The following ZNF274 variants were observed in gnomAD, a reference collection of about 807,000 sequenced individuals.
The protein encoded by ZNF274 is zinc finger protein 274.
In ZNF274, 23 loss-of-function variants were observed where a neutral mutation model predicts 42.5. The ratio of observed to expected loss-of-function variants is 0.54; its 90% CI spans 0.39 to 0.77. ZNF274 has a LOEUF of 0.77. Ranked by LOEUF, ZNF274 falls within the 30% of genes least tolerant of loss-of-function variation. The pLI is 0.00. For synonymous variants in ZNF274, 292 were observed against 305.4 expected, an observed-to-expected ratio of 0.96 and a Z score of 0.46; for missense variants, 679 against 806.5, an observed-to-expected ratio of 0.84 and a Z score of 1.91.
chr19:58,209,122 G>A (rs1209692865), intron 5 of ZNF274: 1 of 152,266 alleles, frequency 6.6e-6, no homozygotes, highest in Non-Finnish European at 1.5e-5. Context: ...CTCCAGACTT[G>A]TCCTGTCCCT....
intron 4 of ZNF274, among the ~76,000 whole-genome samples, chr19:58,202,856 C>G (rs1213161985): frequency 1.3e-5 from 2 of 152,198 alleles, no homozygotes; most frequent in African/African-American, 4.8e-5. Context: ...TGTGGTCTCT[C>G]TGTTCACTGT....
At chr19:58,197,586 A>G (rs1022278147) in intron 4 of ZNF274, among the ~76,000 whole-genome samples, 4 of 152,218 alleles carry the variant, frequency 2.6e-5, no homozygotes, top group African/African-American at 9.6e-5. Flanking sequence ...CTGAATTACT[A>G]GGAACTCAGT....
rs2076006474 is a variant in ZNF274, at chr19:58,208,810, T to C, written c.740-1151T>C. ...ATTCACTATAACAGCAATAGGAAAC[T>C]AGTTAGTTAGGTGCCAAGGAGACAG... is the stretch of plus-strand genomic sequence containing the variant. On this transcript the variant is annotated intron_variant, in intron 5 of 7. Transcript: ENST00000617501. This position sits in a 1 kb window ranked among gnomAD's most constrained non-coding sequence, Gnocchi z 4.5. 3 of 150,798 alleles carry C rather than the reference T, an allele frequency of 2.0e-5. No individual in the cohort carries two copies. Among genetic ancestry groups the C allele is most frequent in the Non-Finnish European group, 4.5e-5 (3 of 67,290 alleles). 9.3% of individuals were successfully genotyped at this position (150,798 alleles called of 1,614,324 possible). A position where few individuals can be genotyped will look rare whatever the true frequency, so the allele number is the denominator to read the frequency against.
chr19:58,201,565 G>A (rs1175221213), intron 4 of ZNF274, among the ~76,000 whole-genome samples: 1 of 150,930 alleles, frequency 6.6e-6, no homozygotes, highest in African/African-American at 2.4e-5. Context: ...CGCCCAGGCT[G>A]GAGTGCAGTG....
chr19:58,203,184 A>G (rs1209184546), intron 4 of ZNF274, among the ~76,000 whole-genome samples: 1 of 152,130 alleles, frequency 6.6e-6, no homozygotes, highest in African/African-American at 2.4e-5. Context: ...CAGGAAGTAC[A>G]GATTCAGTTG....
chr19:58,188,684 A>ATG (rs2075736564), intron 4 of ZNF274, among the ~76,000 whole-genome samples: 1 of 69,528 alleles, frequency 1.4e-5, no homozygotes, highest in Non-Finnish European at 2.5e-5. Context: ...GTGTATATAT[A>ATG]TATGTATATG....
At chr19:58,188,086 A>G (rs79894507) in intron 4 of ZNF274, among the ~76,000 whole-genome samples, 4 of 152,188 alleles carry the variant, frequency 2.6e-5, no homozygotes, top group Non-Finnish European at 4.4e-5. Context: ...TTTGGTGGAC[A>G]TTAAATTTAC....
intron 3 of ZNF274, 125 bp from the exon 4 acceptor site, chr19:58,186,822 C>G: frequency 2.6e-6 from 2 of 758,004 alleles, no homozygotes. Context: ...GTTGTGTTCA[C>G]TGCTCTAGGC....
At position 58,211,636 on chromosome 19, in the gene ZNF274, C is replaced by T; in HGVS notation, c.929C>T (p.Thr310Ile). The change falls in exon 7 of 8, where the codon ACC (threonine) becomes ATC (isoleucine). Residue 310 changes from threonine to isoleucine, a missense_variant. Coordinates refer to ENST00000617501, the MANE Select transcript of ZNF274 (RefSeq NM_133502.3). This position sits in a 1 kb window ranked among gnomAD's most constrained non-coding sequence, Gnocchi z 4.8. ...GGGCTGCTGGGCCCGACACAGAGGA[C>T]CGAGTACCGCGATGTGATGCTGGAG... ...EWGLLGPTQRTEYRDVMLETF... is the reference protein window; with the variant it reads ...EWGLLGPTQRIEYRDVMLETF... The T allele has an allele frequency of 6.2e-7, 1 of 1,613,778 alleles. No individual in the cohort carries two copies. The highest frequency in any genetic ancestry group is 8.5e-7 in the Non-Finnish European group (1 of 1,179,792).
chr19:58,190,968 G>A (rs774109309), intron 4 of ZNF274, among the ~76,000 whole-genome samples: 14 of 152,238 alleles, frequency 9.2e-5, no homozygotes, highest in East Asian at 3.9e-4. Flanking sequence ...TGATTTCTTC[G>A]TATTTCAGCT....
rs1327849467 is a variant in ZNF274, at chr19:58,213,556, C to T, written c.*413C>T. The T allele has an allele frequency of 5.9e-6, 1 of 170,826 alleles. No individual in the cohort carries two copies. Among genetic ancestry groups the T allele is most frequent in the Non-Finnish European group, 1.3e-5 (1 of 77,942 alleles). The allele number at this position is 170,826 out of a possible 1,614,324, so 10.6% of individuals were successfully genotyped here. A position where few individuals can be genotyped will look rare whatever the true frequency, so the allele number is the denominator to read the frequency against. On this transcript the variant is annotated 3_prime_UTR_variant, in exon 8 of 8. Transcript: ENST00000617501. Reference sequence around the variant, plus strand: ...GGATAAATAAACTATTGATCTATGTCTGTGTAGAACCTGTGTATTTCCTGC... The same window carrying T: ...GGATAAATAAACTATTGATCTATGTTTGTGTAGAACCTGTGTATTTCCTGC...
intron 4 of ZNF274, among the ~76,000 whole-genome samples, chr19:58,193,905 AAC>A (rs1175552655): frequency 6.6e-6 from 1 of 151,898 alleles, no homozygotes; most frequent in Non-Finnish European, 1.5e-5. Flanking sequence ...CAGCCTGGGC[AAC>A]ACAGCAAGAA....
At position 58,212,476 on chromosome 19, in the gene ZNF274, G is replaced by A. The variant is rs1358247572; in HGVS notation, c.1295G>A (p.Gly432Asp). Residue 432 changes from glycine to aspartate, a missense_variant, in exon 8 of 8, where the codon GGC (glycine) becomes GAC (aspartate). Physicochemically the swap from Gly to Asp is moderately conservative, Grantham distance 94. Coordinates refer to ENST00000617501, the MANE Select transcript of ZNF274 (RefSeq NM_133502.3). The surrounding 1 kb of genome is among the most constrained non-coding windows in gnomAD (Gnocchi z 4.6). ...IDNPESQANS[G>D]ALDTNQVLLH... ...AACCCTGAGTCCCAGGCAAACAGTG[G>A]CGCTCTTGACACAAACCAAGTTTTG... is the stretch of plus-strand genomic sequence containing the variant. 6.2e-7 allele frequency: 1 copy of A among 1,613,692 alleles called. No individual in the cohort carries two copies. Among genetic ancestry groups the A allele is most frequent in the East Asian group, 2.2e-5 (1 of 44,886 alleles).
At chr19:58,209,851 A>G in intron 5 of ZNF274, 110 bp from the exon 6 acceptor site, 1 of 652,114 alleles carries the variant, frequency 1.5e-6, no homozygotes, top group Admixed American at 2.6e-5. Flanking sequence ...TCATGGAGCC[A>G]CAGTACGATG....
In ZNF274 at chr19:58,207,128, A is replaced by C. The variant is rs377374771; in HGVS notation, c.665A>C (p.Glu222Ala). Residue 222 changes from glutamate (E) to alanine (A), a missense_variant, in exon 5 of 8, where the codon GAA becomes GCA. Glu to Ala is a moderately radical substitution (Grantham distance 107). Around this residue, in one of 2 missense-constraint regions of ZNF274, gnomAD observed 456 missense variants for 590.1 expected, o/e 0.77. Coordinates refer to ENST00000617501, the MANE Select transcript of ZNF274 (RefSeq NM_133502.3). The surrounding 1 kb of genome is among the most constrained non-coding windows in gnomAD (Gnocchi z 5.6). ...ALPVKLRTWV[E>A]SQHPENCQEV... is the part of the protein sequence containing the mutation. ...CCTGTGAAGCTCCGGACATGGGTGG[A>C]ATCGCAGCACCCAGAGAACTGCCAA... is the stretch of plus-strand genomic sequence containing the variant. The C allele has an allele frequency of 2.5e-6, 4 of 1,613,480 alleles. No homozygotes were observed. Among genetic ancestry groups the C allele is most frequent in the African/African-American group, 2.7e-5 (2 of 74,910 alleles).
chr19:58,194,206 T>TGTGTGTGTGTGG (rs1568701083), intron 4 of ZNF274, among the ~76,000 whole-genome samples: 1 of 151,592 alleles, frequency 6.6e-6, no homozygotes, highest in Non-Finnish European at 1.5e-5. Flanking sequence ...TTCAAAAATA[T>TGTGTGTGTGTGG]GTGTGTGTGT....
chr19:58,183,835 G>A, intron 1 of ZNF274, 86 bp from the exon 2 acceptor site: 2 of 881,104 alleles, frequency 2.3e-6, no homozygotes, highest in Non-Finnish European at 3.5e-6. Context: ...TTCCCGCTGA[G>A]GGAGCCGTTC....
In ZNF274 at chr19:58,212,579, A is replaced by G; in HGVS notation, c.1398A>G (p.Val466=). ...QVKSMKHNSR[V]KIHQKSCERQ... ...AAAGTATGAAACATAATTCACGTGT[A>G]AAAATTCATCAGAAGAGCTGTGAAA... Residue 466 remains valine, a synonymous_variant, in exon 8 of 8, where the codon GTA becomes GTG. Transcript: ENST00000617501. This position sits in a 1 kb window ranked among gnomAD's most constrained non-coding sequence, Gnocchi z 4.6. 6.2e-7 allele frequency: 1 copy of G among 1,614,072 alleles called. No individual in the cohort carries two copies. Among genetic ancestry groups the G allele is most frequent in the South Asian group, 1.1e-5 (1 of 91,090 alleles).
intron 4 of ZNF274, among the ~76,000 whole-genome samples, chr19:58,190,936 A>C (rs935224633): frequency 6.6e-6 from 1 of 151,638 alleles, no homozygotes; most frequent in African/African-American, 2.4e-5. Context: ...CCAACCCCCA[A>C]CCTTTCTGGG....
Sources: gnomAD v4.1 joint callset for allele counts (sites outside exome capture counted in the v4.1 genomes callset) on GRCh38, gnomAD v4.1.1 for gene constraint, gnomAD v4.1.1 regional missense constraint, Gnocchi (gnomAD v3.1) non-coding constraint, MANE v1.5 for transcripts, NCBI Gene and HGNC (gene_info 2026-07-23, HGNC 2026-07-21) for gene names.